Variants in SCHIP1 observed in about 807,000 individuals in gnomAD.
SCHIP1 encodes the protein schwannomin-interacting protein 1.
In SCHIP1, 8 loss-of-function variants were observed where a neutral mutation model predicts 29.7. The ratio of observed to expected loss-of-function variants is 0.27; its 90% CI spans 0.16 to 0.49. The LOEUF is 0.49. Ranked by LOEUF, SCHIP1 falls within the 20% of genes least tolerant of loss-of-function variation. The pLI is 0.99. For synonymous variants in SCHIP1, 76 were observed against 94.9 expected (o/e 0.80, Z 1.16); for missense variants, 193 against 294.6 (o/e 0.66, Z 2.52).
chr3:159,361,459 C>G, the SCHIP1 span, among the ~76,000 whole-genome samples: 1 of 151,872 alleles, frequency 6.6e-6, no homozygotes, highest in Non-Finnish European at 1.5e-5. Flanking sequence ...AGATGAGATT[C>G]GAAAATAATT....
chr3:159,751,913 C>A, the SCHIP1 span, among the ~76,000 whole-genome samples: 2 of 152,104 alleles, frequency 1.3e-5, no homozygotes, highest in Non-Finnish European at 2.9e-5. Context: ...GTGATTGAAT[C>A]ATAGGGGTGG....
the SCHIP1 span, among the ~76,000 whole-genome samples, chr3:159,302,182 G>A: frequency 1.3e-5 from 2 of 152,164 alleles, no homozygotes; most frequent in Non-Finnish European, 2.9e-5. Context: ...GGGTAGTGAG[G>A]AGAATTAAGC....
chr3:159,849,737 G>A (rs977893054), intron 1 of SCHIP1, among the ~76,000 whole-genome samples: 1 of 152,180 alleles, frequency 6.6e-6, no homozygotes, highest in African/African-American at 2.4e-5. Flanking sequence ...GTGGGGTGTG[G>A]TAGCCCTCCT....
the SCHIP1 span, among the ~76,000 whole-genome samples, chr3:159,479,647 G>A: frequency 6.6e-6 from 1 of 152,068 alleles, no homozygotes; most frequent in South Asian, 2.1e-4. Context: ...AGACATATAA[G>A]CTGTACCTTA....
intron 1 of SCHIP1, among the ~76,000 whole-genome samples, chr3:159,864,643 G>A (rs1051258194): frequency 1.3e-5 from 2 of 152,154 alleles, no homozygotes; most frequent in Admixed American, 6.6e-5. Context: ...GGATTAAAAA[G>A]TGTGAGAGAA....
the SCHIP1 span, among the ~76,000 whole-genome samples, chr3:159,725,732 G>GCTC: frequency 6.6e-6 from 1 of 152,194 alleles, no homozygotes; most frequent in South Asian, 2.1e-4. Context: ...CGCAATGACA[G>GCTC]CTCCATCCAG....
the SCHIP1 span, among the ~76,000 whole-genome samples, chr3:159,301,831 G>C: frequency 5.3e-5 from 8 of 152,104 alleles, no homozygotes; most frequent in Non-Finnish European, 1.2e-4. Context: ...CCCAGTCCCA[G>C]GTATGTTTTT....
chr3:159,375,669 G>C, the SCHIP1 span: 2 of 271,308 alleles, frequency 7.4e-6, no homozygotes, highest in Non-Finnish European at 1.1e-5. Flanking sequence ...CCCGGGAGGC[G>C]GAGGTTGCAG....
At chr3:159,297,188 T>C in the SCHIP1 span, among the ~76,000 whole-genome samples, 1 of 151,652 alleles carries the variant, frequency 6.6e-6, no homozygotes, top group Non-Finnish European at 1.5e-5. Flanking sequence ...CTTTTCTTTA[T>C]CCATTTATCC....
the SCHIP1 span, among the ~76,000 whole-genome samples, chr3:159,730,089 G>T: frequency 2.0e-5 from 3 of 152,118 alleles, no homozygotes; most frequent in African/African-American, 7.2e-5. Context: ...AAATTAGCAT[G>T]TTTCCTTATT....
chr3:159,677,967 G>C, the SCHIP1 span, among the ~76,000 whole-genome samples: 1 of 152,158 alleles, frequency 6.6e-6, no homozygotes. Flanking sequence ...TCCCCAAAGT[G>C]CTGGAATTAC....
chr3:159,605,677 G>A, the SCHIP1 span, among the ~76,000 whole-genome samples: 1 of 152,304 alleles, frequency 6.6e-6, no homozygotes, highest in East Asian at 1.9e-4. Flanking sequence ...CTACGTTAAA[G>A]TTTGAGATAG....
the SCHIP1 span, among the ~76,000 whole-genome samples, chr3:159,396,041 T>C: frequency 5.3e-5 from 8 of 150,946 alleles, no homozygotes; most frequent in African/African-American, 1.9e-4. Context: ...TAGTTAGCTC[T>C]TCTTGTTGAA....
At chr3:159,683,397 A>T in the SCHIP1 span, among the ~76,000 whole-genome samples, 1 of 151,916 alleles carries the variant, frequency 6.6e-6, no homozygotes, top group Non-Finnish European at 1.5e-5. Flanking sequence ...TCACATGAAC[A>T]CTAAAGTTCA....
At chr3:159,574,725 G>A in the SCHIP1 span, among the ~76,000 whole-genome samples, 1 of 152,226 alleles carries the variant, frequency 6.6e-6, no homozygotes, top group Non-Finnish European at 1.5e-5. Flanking sequence ...CAGAGGTGGA[G>A]TCTAGAAGCA....
At chr3:159,355,483 T>C in the SCHIP1 span, among the ~76,000 whole-genome samples, 2 of 152,112 alleles carry the variant, frequency 1.3e-5, no homozygotes, top group Admixed American at 6.5e-5. Context: ...CAAGGTGACA[T>C]CATATAAGAT....
the SCHIP1 span, among the ~76,000 whole-genome samples, chr3:159,392,146 C>A: frequency 1.3e-5 from 2 of 152,244 alleles, no homozygotes; most frequent in East Asian, 1.9e-4. Context: ...CCCTTAGTTG[C>A]CTGTCATCAG....
intron 1 of SCHIP1, among the ~76,000 whole-genome samples, chr3:159,852,077 A>G (rs530405681): frequency 6.6e-6 from 1 of 152,348 alleles, no homozygotes; most frequent in South Asian, 2.1e-4. Flanking sequence ...TTATGCCACA[A>G]GTCTTCTACA....
the SCHIP1 span, among the ~76,000 whole-genome samples, chr3:159,372,336 A>ATGGACCCATGTTTG: frequency 6.6e-6 from 1 of 152,150 alleles, no homozygotes; most frequent in African/African-American, 2.4e-5. Context: ...AAAGCTGAAA[A>ATGGACCCATGTTTG]TGGACCCATG....
Sources: allele counts gnomAD v4.1 joint callset (sites outside exome capture counted in the v4.1 genomes callset), GRCh38; gene constraint gnomAD v4.1.1; transcripts MANE v1.5; gene names NCBI Gene and HGNC (gene_info 2026-07-23, HGNC 2026-07-21).